Variants in ARB2A observed in about 807,000 individuals in gnomAD.
ARB2A encodes the protein cotranscriptional regulator ARB2A.
chr5:93,692,755 C>G, the ARB2A span, among the ~76,000 whole-genome samples: 1 of 152,136 alleles, frequency 6.6e-6, no homozygotes, highest in Non-Finnish European at 1.5e-5. Context: ...ATACATTCTT[C>G]TCAGCACCAC....
At chr5:94,007,344 C>T in the ARB2A span, among the ~76,000 whole-genome samples, 2 of 151,996 alleles carry the variant, frequency 1.3e-5, no homozygotes, top group Non-Finnish European at 1.5e-5. Flanking sequence ...AACATTTGTG[C>T]CACAGAGAAA....
the ARB2A span, among the ~76,000 whole-genome samples, chr5:94,021,588 C>T: frequency 6.6e-6 from 1 of 151,544 alleles, no homozygotes; most frequent in Non-Finnish European, 1.5e-5. Flanking sequence ...TGTATTCTGA[C>T]TCAGAGGTGG....
the ARB2A span, among the ~76,000 whole-genome samples, chr5:93,880,666 A>G: frequency 1.1e-3 from 168 of 151,852 alleles, no homozygotes; most frequent in African/African-American, 3.9e-3. Flanking sequence ...GAAAATTGAC[A>G]AATGTCTCAT....
At chr5:94,040,909 AT>A in the ARB2A span, among the ~76,000 whole-genome samples, 1 of 152,022 alleles carries the variant, frequency 6.6e-6, no homozygotes, top group Admixed American at 6.6e-5. Flanking sequence ...CGTCACACGT[AT>A]TTTGCTCTGG....
the ARB2A span, among the ~76,000 whole-genome samples, chr5:94,050,325 G>C: frequency 6.8e-6 from 1 of 147,684 alleles, no homozygotes; most frequent in African/African-American, 2.5e-5. Flanking sequence ...TGCCACCTCA[G>C]CTCACTGCAA....
chr5:93,889,302 T>A, the ARB2A span, among the ~76,000 whole-genome samples: 1 of 151,772 alleles, frequency 6.6e-6, no homozygotes, highest in Admixed American at 6.6e-5. Flanking sequence ...GTGCATGTTG[T>A]GTTGTATACA....
the ARB2A span, among the ~76,000 whole-genome samples, chr5:93,969,883 G>T: frequency 6.6e-6 from 1 of 152,000 alleles, no homozygotes; most frequent in African/African-American, 2.4e-5. Context: ...AATTTAAGGG[G>T]GTGGGGAAGA....
the ARB2A span, chr5:93,964,469 CT>C: frequency 6.4e-7 from 1 of 1,573,358 alleles, no homozygotes; most frequent in Non-Finnish European, 8.7e-7. Context: ...GGAATAGATA[CT>C]TTTTTCAAAT....
the ARB2A span, among the ~76,000 whole-genome samples, chr5:93,709,647 A>AAAAAAAAAAAC: frequency 6.7e-6 from 1 of 149,926 alleles, no homozygotes; most frequent in East Asian, 1.9e-4. Context: ...AAAAAAAAAA[A>AAAAAAAAAAAC]AAAAAAAAAA....
chr5:93,628,136 C>T, the ARB2A span, among the ~76,000 whole-genome samples: 1 of 149,742 alleles, frequency 6.7e-6, no homozygotes, highest in Non-Finnish European at 1.5e-5. Flanking sequence ...CTGCAACCTC[C>T]GCCTCCCAGG....
At chr5:93,924,382 A>G in the ARB2A span, among the ~76,000 whole-genome samples, 1 of 152,222 alleles carries the variant, frequency 6.6e-6, no homozygotes, top group South Asian at 2.1e-4. Context: ...TCCCTCAGGA[A>G]ATGTATACTG....
At chr5:93,999,783 C>T in the ARB2A span, among the ~76,000 whole-genome samples, 1 of 152,004 alleles carries the variant, frequency 6.6e-6, no homozygotes, top group East Asian at 1.9e-4. Flanking sequence ...CAGTACCATA[C>T]ATAGTATTTT....
At chr5:94,097,861 C>T in the ARB2A span, among the ~76,000 whole-genome samples, 2 of 151,180 alleles carry the variant, frequency 1.3e-5, no homozygotes, top group African/African-American at 4.9e-5. Context: ...CCCACCCCAC[C>T]GCTGGTACAC....
the ARB2A span, among the ~76,000 whole-genome samples, chr5:93,934,941 C>A: frequency 6.6e-6 from 1 of 152,096 alleles, no homozygotes; most frequent in East Asian, 1.9e-4. Flanking sequence ...CTGGATGGAA[C>A]TGGAGACCAT....
the ARB2A span, among the ~76,000 whole-genome samples, chr5:93,843,731 T>A: frequency 9.2e-5 from 14 of 151,660 alleles, no homozygotes; most frequent in African/African-American, 3.2e-4. Flanking sequence ...AAGTGAAAAA[T>A]TCAACAGAAG....
At chr5:93,870,888 T>C in the ARB2A span, among the ~76,000 whole-genome samples, 1 of 152,252 alleles carries the variant, frequency 6.6e-6, no homozygotes, top group Non-Finnish European at 1.5e-5. Flanking sequence ...TACCAAACTA[T>C]GCTATGATGA....
chr5:93,621,451 G>A, the ARB2A span, among the ~76,000 whole-genome samples: 3 of 152,212 alleles, frequency 2.0e-5, no homozygotes, highest in African/African-American at 4.8e-5. Flanking sequence ...CCAACGCGGG[G>A]ACGCGGCCCG....
the ARB2A span, among the ~76,000 whole-genome samples, chr5:93,852,159 G>C: frequency 6.6e-6 from 1 of 152,134 alleles, no homozygotes; most frequent in Non-Finnish European, 1.5e-5. Context: ...ACTGGTGTGA[G>C]ATGGTATCTC....
the ARB2A span, among the ~76,000 whole-genome samples, chr5:93,903,981 T>G: frequency 6.6e-6 from 1 of 151,936 alleles, no homozygotes; most frequent in Non-Finnish European, 1.5e-5. Flanking sequence ...GCTGGCTTTG[T>G]AATGAGTGTT....
Sources: gnomAD v4.1 joint callset for allele counts (sites outside exome capture counted in the v4.1 genomes callset) on GRCh38, gnomAD v4.1.1 for gene constraint, MANE v1.5 for transcripts, NCBI Gene and HGNC (gene_info 2026-07-23, HGNC 2026-07-21) for gene names.